The following GOLGA1 variants were observed in gnomAD, a reference collection of about 807,000 sequenced individuals.
GOLGA1 encodes golgin subfamily A member 1.
In GOLGA1, 63 loss-of-function variants were observed where a neutral mutation model predicts 119.7. The observed-to-expected ratio is 0.53, with a 90% CI of 0.43 to 0.65. The LOEUF (loss-of-function observed/expected upper bound fraction) is 0.65. Ranked by LOEUF, GOLGA1 falls within the 30% of genes least tolerant of loss-of-function variation. The pLI is 0.00. For synonymous variants in GOLGA1, 318 were observed against 333.4 expected (o/e 0.95, Z 0.50); for missense variants, 798 against 912.8 (o/e 0.87, Z 1.62).
Position 124,908,442 on chromosome 9 carries a change from T to C in GOLGA1, c.1000A>G (p.Thr334Ala). Residue 334 changes from threonine (T) to alanine (A), a missense_variant, in exon 12 of 23, where the codon ACC becomes GCC. Physicochemically the swap from Thr to Ala is moderately conservative, Grantham distance 58. Transcript: ENST00000373555. ...KTLAEQNLEDTRQQLLAARSS... is the reference protein window; with the variant it reads ...KTLAEQNLEDARQQLLAARSS... ...CTGGCTGCCAAGAGCTGTTGTCTGG[T>C]ATCCTCCAAATTCTGCTCAGCAAGT... 6.2e-7 allele frequency: 1 copy of C among 1,609,436 alleles called. No homozygotes were observed. The highest frequency in any genetic ancestry group is 8.5e-7 in the Non-Finnish European group (1 of 1,175,636).
At chr9:124,937,563 G>A (rs1023272469) in intron 3 of GOLGA1, among the ~76,000 whole-genome samples, 1 of 151,076 alleles carries the variant, frequency 6.6e-6, no homozygotes, top group East Asian at 2.0e-4. Context: ...CCCGGGAGGT[G>A]GAGGATGCAA....
chr9:124,918,807 T>C (rs1489828804), intron 10 of GOLGA1, among the ~76,000 whole-genome samples: 1 of 152,104 alleles, frequency 6.6e-6, no homozygotes, highest in Non-Finnish European at 1.5e-5. Flanking sequence ...ATTTTCCCCC[T>C]TCTTCCATGA....
intron 12 of GOLGA1, among the ~76,000 whole-genome samples, chr9:124,902,134 T>C (rs637655): frequency 0.96 from 146,725 of 152,156 alleles, 70,961 homozygotes; most frequent in East Asian, 1. Context: ...ATTTTTGAGA[T>C]GGAGTCTCGC....
chr9:124,933,843 T>A (rs1830816096), intron 3 of GOLGA1, among the ~76,000 whole-genome samples: 1 of 151,964 alleles, frequency 6.6e-6, no homozygotes, highest in South Asian at 2.1e-4. Context: ...TCACAACTCA[T>A]TGCTGGGAGA....
chr9:124,938,157 C>T (rs755995874), intron 3 of GOLGA1, among the ~76,000 whole-genome samples: 2 of 151,852 alleles, frequency 1.3e-5, no homozygotes, highest in Non-Finnish European at 2.9e-5. Flanking sequence ...TTCCAACAAT[C>T]GTCCCAATAC....
In GOLGA1 at chr9:124,908,428, G is replaced by T. The variant is rs1401095514; in HGVS notation, c.1014C>A (p.Leu338=). 1.9e-6 allele frequency: 3 copies of T among 1,611,972 alleles called. No individual in the cohort carries two copies. Among genetic ancestry groups the T allele is most frequent in the Non-Finnish European group, 2.5e-6 (3 of 1,178,106 alleles). The change falls in exon 12 of 23, where the codon CTC becomes CTA. Residue 338 remains leucine, a synonymous_variant. Transcript: ENST00000373555. ...EQNLEDTRQQ[L]LAARSSQAKA... ...TAGCCTGGCTGCTTCTGGCTGCCAAGAGCTGTTGTCTGGTATCCTCCAAAT... is the reference window on the plus strand; with the variant it reads ...TAGCCTGGCTGCTTCTGGCTGCCAATAGCTGTTGTCTGGTATCCTCCAAAT...
chr9:124,927,284 A>G (rs1298089076), intron 6 of GOLGA1, among the ~76,000 whole-genome samples: 1 of 152,202 alleles, frequency 6.6e-6, no homozygotes, highest in Non-Finnish European at 1.5e-5. Context: ...TTATTCACAA[A>G]CCATAAAATA....
At chr9:124,920,769 A>C (rs974297879) in intron 10 of GOLGA1, among the ~76,000 whole-genome samples, 3 of 151,634 alleles carry the variant, frequency 2.0e-5, no homozygotes, top group Admixed American at 6.6e-5. Context: ...CCCTGTCTCT[A>C]CTAAAAATAC....
intron 15 of GOLGA1, among the ~76,000 whole-genome samples, chr9:124,892,169 G>C (rs1287785188): frequency 1.3e-5 from 2 of 152,176 alleles, no homozygotes; most frequent in African/African-American, 2.4e-5. Context: ...TGGTCAGGCT[G>C]GTCTTGAATT....
Position 124,880,605 on chromosome 9 carries a change from T to C in GOLGA1, c.2229A>G (p.Ser743=), listed in dbSNP as rs1335100383. ...TGGGAGCTGGTTTGGACCCAAACCATGACATCTGCATTTGAAACAGAAAAG... is the reference window on the plus strand; with the variant it reads ...TGGGAGCTGGTTTGGACCCAAACCACGACATCTGCATTTGAAACAGAAAAG... ...MLKETLEYKM[S]WFGSKPAPKG... is the part of the protein sequence containing the mutation. The change falls in exon 23 of 23, where the codon TCA becomes TCG. Residue 743 remains serine, a synonymous_variant. Transcript: ENST00000373555. 6.3e-7 allele frequency: 1 copy of C among 1,598,282 alleles called. No individual in the cohort carries two copies. The highest frequency in any genetic ancestry group is 8.6e-7 in the Non-Finnish European group (1 of 1,166,012).
In GOLGA1 at chr9:124,882,498, G is replaced by A. The variant is rs761067817; in HGVS notation, c.1965+12C>T. 23 of 1,602,492 alleles carry A rather than the reference G, an allele frequency of 1.4e-5. No individual in the cohort carries two copies. In the Admixed American group the frequency reaches 3.8e-4, roughly 27 times the overall value. The stretch of plus-strand genomic sequence containing the variant: ...GCTGGGAAGTGGGGCCAGCTCCCAT[G>A]CGAGTACTCACCAGCTCCTTCTGCA... On this transcript the variant is annotated intron_variant, in intron 20 of 22. Transcript: ENST00000373555.
intron 14 of GOLGA1, 144 bp downstream of exon 14, chr9:124,899,185 G>A: frequency 1.5e-6 from 1 of 671,370 alleles, no homozygotes; most frequent in Non-Finnish European, 2.5e-6. Context: ...GACAGAGTGA[G>A]ACCCTGTCTC....
chr9:124,891,888 ACC>A (rs1829860872), intron 15 of GOLGA1, among the ~76,000 whole-genome samples: 1 of 151,740 alleles, frequency 6.6e-6, no homozygotes, highest in South Asian at 2.1e-4. Flanking sequence ...TAGGTGATCT[ACC>A]TGCCTTGGCC....
chr9:124,937,222 C>T lies in GOLGA1; in HGVS notation c.135+1355G>A, dbSNP rs936890282. On this transcript the variant is annotated intron_variant, in intron 3 of 22. Coordinates refer to ENST00000373555, the MANE Select transcript of GOLGA1 (RefSeq NM_002077.4). Reference sequence around the variant, plus strand: ...TAATCCTAGCACTTTGGGAGACCGACGCGGGAGGATCACGAGGTCAGGAGT... The same window carrying T: ...TAATCCTAGCACTTTGGGAGACCGATGCGGGAGGATCACGAGGTCAGGAGT... Among the ~76,000 whole-genome samples the T allele has an allele frequency of 2.0e-5, 3 of 152,106 alleles. No individual in the cohort carries two copies. The East Asian group carries it at 5.8e-4, about 29-fold the overall frequency.
chr9:124,933,214 C>T (rs540550769), intron 3 of GOLGA1, among the ~76,000 whole-genome samples: 104 of 152,246 alleles, frequency 6.8e-4, no homozygotes, highest in Middle Eastern at 3.4e-3. Context: ...TTAGATTCTA[C>T]GCAGAAGAAC....
intron 15 of GOLGA1, among the ~76,000 whole-genome samples, chr9:124,891,645 T>G (rs1248151157): frequency 1.3e-5 from 2 of 151,122 alleles, no homozygotes; most frequent in East Asian, 2.0e-4. Flanking sequence ...ATTCTTTTGT[T>G]TTTTTTTTTC....
chr9:124,918,354 A>G (rs957798932), intron 10 of GOLGA1, among the ~76,000 whole-genome samples: 15 of 152,198 alleles, frequency 9.9e-5, no homozygotes, highest in African/African-American at 3.4e-4. Flanking sequence ...GCACATAGTA[A>G]AGCTCAACTA....
At chr9:124,882,461 AGCAGGGGGAGT>A in intron 20 of GOLGA1, 38 bp downstream of exon 20, 1 of 1,388,118 alleles carries the variant, frequency 7.2e-7, no homozygotes, top group Non-Finnish European at 1.0e-6. Context: ...GGGCACAGGC[AGCAGGGGGAGT>A]GCTGGGAAGT....
chr9:124,920,533 G>A (rs1034236345), intron 10 of GOLGA1, among the ~76,000 whole-genome samples: 8 of 152,044 alleles, frequency 5.3e-5, no homozygotes, highest in Admixed American at 2.0e-4. Flanking sequence ...ATTTGATTAC[G>A]TGCCATAAAA....
Sources: allele counts gnomAD v4.1 joint callset (sites outside exome capture counted in the v4.1 genomes callset), GRCh38; gene constraint gnomAD v4.1.1; transcripts MANE v1.5; gene names NCBI Gene and HGNC (gene_info 2026-07-23, HGNC 2026-07-21).